The following GPAT3 variants were observed in gnomAD, a reference collection of about 807,000 sequenced individuals.
GPAT3 encodes the protein 1-AGP acyltransferase 9.
GPAT3 carries 53 observed loss-of-function variants against 58.8 expected under a neutral mutation model. That is an observed-to-expected ratio of 0.90 (90% CI 0.72 to 1.13). The LOEUF is 1.13. Among genes scored for constraint, GPAT3 ranks in the 50% most tolerant of loss-of-function variants. The pLI is 0.00. For synonymous variants in GPAT3, 197 were observed against 187.4 expected, an observed-to-expected ratio of 1.05 and a Z score of -0.42; for missense variants, 511 against 527.6, an observed-to-expected ratio of 0.97 and a Z score of 0.31.
chr4:83,605,799 G>A lies in GPAT3; in HGVS notation c.*1032G>A, dbSNP rs1727232815. ...ATAATGCCGTTGTAAACTACTGAGA[G>A]TATTGTATCTGTTCTGGTAACCATG... On this transcript the variant is annotated 3_prime_UTR_variant, in exon 12 of 12. Transcript: ENST00000264409. 6.6e-6 allele frequency: 1 copy of A among 152,516 alleles called. No homozygotes were observed. The highest frequency in any genetic ancestry group is 1.5e-5 in the Non-Finnish European group (1 of 68,032). The allele number at this position is 152,516 out of a possible 1,614,324, so 9.4% of individuals were successfully genotyped here. A position where few individuals can be genotyped will look rare whatever the true frequency, so the allele number is the denominator to read the frequency against.
At chr4:83,596,790 G>C in intron 7 of GPAT3, 68 bp from the exon 8 acceptor site, 1 of 1,206,724 alleles carries the variant, frequency 8.3e-7, no homozygotes, top group Non-Finnish European at 1.2e-6. Context: ...AAAGTGCAAG[G>C]AATATCAAAA....
intron 6 of GPAT3, among the ~76,000 whole-genome samples, chr4:83,591,005 A>G (rs1726578833): frequency 6.7e-6 from 1 of 148,866 alleles, no homozygotes; most frequent in Admixed American, 6.9e-5. Context: ...GCTGCATGGT[A>G]GTTAAATATG....
chr4:83,568,913 T>C (rs898122796), intron 2 of GPAT3, among the ~76,000 whole-genome samples: 3 of 152,198 alleles, frequency 2.0e-5, no homozygotes, highest in Non-Finnish European at 4.4e-5. Context: ...GAGCAACCTC[T>C]CTTACTAGTA....
intron 2 of GPAT3, among the ~76,000 whole-genome samples, chr4:83,580,830 C>T (rs192046385): frequency 3.9e-4 from 59 of 152,272 alleles, no homozygotes; most frequent in African/African-American, 1.4e-3. Flanking sequence ...GGCGTGGTGG[C>T]TCACGCCTGT....
At chr4:83,546,158 T>C (rs1724500054) in intron 2 of GPAT3, among the ~76,000 whole-genome samples, 1 of 152,068 alleles carries the variant, frequency 6.6e-6, no homozygotes, top group African/African-American at 2.4e-5. Context: ...CTAATTTTTG[T>C]ATTTTTAGTA....
At chr4:83,592,769 T>C (rs1328345486) in intron 6 of GPAT3, among the ~76,000 whole-genome samples, 1 of 152,236 alleles carries the variant, frequency 6.6e-6, no homozygotes, top group African/African-American at 2.4e-5. Flanking sequence ...TCATTTGCTT[T>C]GTCATTTGCT....
Position 83,544,599 on chromosome 4 carries a change from G to C in GPAT3, c.205G>C (p.Val69Leu). 3 of 1,613,972 alleles carry C rather than the reference G, an allele frequency of 1.9e-6. No individual in the cohort carries two copies. Among genetic ancestry groups the C allele is most frequent in the Non-Finnish European group, 2.5e-6 (3 of 1,179,942 alleles). ...KESILKNSAS[V>L]GIIQRDESPM... is the part of the protein sequence containing the mutation. ...GTCGATTCTTAAAAACTCTGCTTCT[G>C]TTGGTGAGTTTTCCTTTTCATTATG... The change falls in exon 2 of 12, where the codon GTT (valine) becomes CTT (leucine). Residue 69 changes from valine to leucine, a missense_variant. Transcript: ENST00000264409.
rs1726887326 is a variant in GPAT3 at position 83,597,490 on chromosome 4, G to A, written c.971G>A (p.Gly324Glu). 2 of 1,569,618 alleles carry A rather than the reference G, an allele frequency of 1.3e-6. No homozygotes were observed. Among genetic ancestry groups the A allele is most frequent in the South Asian group, 1.2e-5 (1 of 80,806 alleles). ...MFKKGSFEIG[G>E]TIHPVAIKYN... is the part of the protein sequence containing the mutation. The stretch of plus-strand genomic sequence containing the variant: ...AAAAAGGGGAGCTTTGAAATTGGAG[G>A]AACCATACATCCAGTTGCAATTAAG... The change falls in exon 9 of 12, where the codon GGA becomes GAA. Residue 324 changes from glycine (G) to glutamate (E), a missense_variant. Physicochemically the swap from Gly to Glu is moderately conservative, Grantham distance 98 (BLOSUM62 -2). Transcript: ENST00000264409.
chr4:83,578,409 G>A (rs1158550892), intron 2 of GPAT3, among the ~76,000 whole-genome samples: 2 of 152,182 alleles, frequency 1.3e-5, no homozygotes, highest in Non-Finnish European at 2.9e-5. Context: ...AACTAGGTAA[G>A]AAGGCAGAGA....
chr4:83,544,778 A>G (rs2110071021), intron 2 of GPAT3, among the ~76,000 whole-genome samples, 176 bp downstream of exon 2: 1 of 152,224 alleles, frequency 6.6e-6, no homozygotes, highest in South Asian at 2.1e-4. Flanking sequence ...TTTATTGTAA[A>G]GGTGGTAATA....
At chr4:83,594,487 C>T (rs1478747383) in intron 6 of GPAT3, among the ~76,000 whole-genome samples, 1 of 152,180 alleles carries the variant, frequency 6.6e-6, no homozygotes, top group Non-Finnish European at 1.5e-5. Context: ...TATCCATAGA[C>T]TTATGTCAGA....
intron 2 of GPAT3, among the ~76,000 whole-genome samples, chr4:83,563,192 C>T (rs757954633): frequency 3.3e-5 from 5 of 152,110 alleles, no homozygotes; most frequent in Non-Finnish European, 7.3e-5. Flanking sequence ...TGGACAAACA[C>T]GCAAAGGATA....
intron 11 of GPAT3, among the ~76,000 whole-genome samples, chr4:83,600,773 A>G (rs573640959): frequency 6.6e-6 from 1 of 152,210 alleles, no homozygotes; most frequent in African/African-American, 2.4e-5. Context: ...GAGTGCTAGG[A>G]TTACAGACGT....
chr4:83,562,211 T>TAATATATATATAA (rs55826032), intron 2 of GPAT3, among the ~76,000 whole-genome samples: 1 of 73,008 alleles, frequency 1.4e-5, no homozygotes, highest in Non-Finnish European at 2.5e-5. Context: ...TATATATATA[T>TAATATATATATAA]TATATATATA....
At chr4:83,590,348 C>CT in intron 6 of GPAT3, 56 bp downstream of exon 6, 1 of 1,555,874 alleles carries the variant, frequency 6.4e-7, no homozygotes, top group Non-Finnish European at 8.8e-7. Flanking sequence ...ATTGATCAAA[C>CT]TTTTTATTTT....
intron 2 of GPAT3, among the ~76,000 whole-genome samples, chr4:83,567,814 G>A (rs1282622260): frequency 6.6e-6 from 1 of 152,054 alleles, no homozygotes; most frequent in Non-Finnish European, 1.5e-5. Flanking sequence ...GTGCTTATTG[G>A]TTGGTTAGGG....
intron 3 of GPAT3, 96 bp from the exon 4 acceptor site, chr4:83,587,159 T>TCC (rs1726405747): frequency 2.1e-6 from 2 of 942,908 alleles, no homozygotes; most frequent in East Asian, 2.4e-5. Context: ...ATGTGGATAC[T>TCC]CTACAACTTA....
chr4:83,578,098 G>A (rs1332946285), intron 2 of GPAT3, among the ~76,000 whole-genome samples: 6 of 152,086 alleles, frequency 3.9e-5, no homozygotes, highest in Admixed American at 3.9e-4. Flanking sequence ...ACCATACCTG[G>A]CCTCACTGTG....
chr4:83,547,329 T>C (rs1724566758), intron 2 of GPAT3, among the ~76,000 whole-genome samples: 1 of 142,860 alleles, frequency 7.0e-6, no homozygotes, highest in Non-Finnish European at 1.5e-5. Context: ...CTCGGCTCAC[T>C]GCAAGCTCCG....
Sources: allele counts gnomAD v4.1 joint callset (sites outside exome capture counted in the v4.1 genomes callset), GRCh38; gene constraint gnomAD v4.1.1; transcripts MANE v1.5; gene names NCBI Gene and HGNC (gene_info 2026-07-23, HGNC 2026-07-21).